Variants in BTNL2 observed in about 807,000 individuals in gnomAD.
BTNL2 encodes the protein butyrophilin like 2.
In BTNL2, 46 loss-of-function variants were observed where a neutral mutation model predicts 46.8. The observed-to-expected ratio is 0.98, with a 90% CI of 0.78 to 1.26. The LOEUF (loss-of-function observed/expected upper bound fraction) is 1.26, where lower values mean the gene tolerates loss of function less well. Ranked by LOEUF, BTNL2 falls within the 50% of genes most tolerant of loss-of-function variation. The pLI is 0.00. For missense variants in BTNL2, 461 were observed against 592.6 expected, an observed-to-expected ratio of 0.78 and a Z score of 2.31; for synonymous variants, 226 against 229.1, an observed-to-expected ratio of 0.99 and a Z score of 0.12.
At chr6:32,401,763 T>C in intron 4 of BTNL2, 22 bp downstream of exon 4, 6 of 1,609,498 alleles carry the variant, frequency 3.7e-6, no homozygotes, top group Non-Finnish European at 5.1e-6. Flanking sequence ...TCCACAGGTG[T>C]GTGCCAGCAC....
intron 1 of BTNL2, chr6:32,406,817 G>A (rs962218097): frequency 2.5e-6 from 1 of 395,054 alleles, no homozygotes; most frequent in African/African-American, 2.0e-5. Context: ...TCATTAAAAA[G>A]ATGAAAGAAC....
chr6:32,405,326 T>A (rs779119251), intron 1 of BTNL2, 40 bp from the exon 2 acceptor site: 25 of 1,589,602 alleles, frequency 1.6e-5, no homozygotes, highest in Non-Finnish European at 2.1e-5. Context: ...GAAATGCCAA[T>A]CAGAAAATCA....
rs117391429 is a variant in BTNL2, at chr6:32,399,269, T to A, written c.730+2516A>T. Reference sequence around the variant, plus strand: ...TGCTTTGTTTTGTTTTGGTTATTGTTTGTATGTTCTGAATGCCTTCTGAAT... The same window carrying A: ...TGCTTTGTTTTGTTTTGGTTATTGTATGTATGTTCTGAATGCCTTCTGAAT... On this transcript the variant is annotated intron_variant, in intron 4 of 7. Coordinates refer to ENST00000454136, the MANE Select transcript of BTNL2 (RefSeq NM_001304561.2). This position sits in a 1 kb window ranked among gnomAD's most constrained non-coding sequence, Gnocchi z 5.2. Among the ~76,000 whole-genome samples, 2,670 of 152,350 alleles carry A rather than the reference T, an allele frequency of 0.018. 79 individuals carry two copies. The highest frequency in any genetic ancestry group is 0.11 in the East Asian group (571 of 5,190).
Position 32,393,674 on chromosome 6 carries a change from C to G in BTNL2, c.*7-285G>C, listed in dbSNP as rs1220989624. On this transcript the variant is annotated intron_variant, in intron 7 of 7. Coordinates refer to ENST00000454136, the MANE Select transcript of BTNL2 (RefSeq NM_001304561.2). This position sits in a 1 kb window ranked among gnomAD's most constrained non-coding sequence, Gnocchi z 4.8. ...AAAACAAGGATGGCTGTACTACTCA[C>G]TTTTTTCTTCTTCTTCCCTAACCAG... is the stretch of plus-strand genomic sequence containing the variant. 5 of 242,368 alleles carry G rather than the reference C, an allele frequency of 2.1e-5. No individual in the cohort carries two copies. The highest frequency in any genetic ancestry group is 3.1e-5 in the Non-Finnish European group (4 of 130,194). The allele number at this position is 242,368 out of a possible 1,614,324, so 15.0% of individuals were successfully genotyped here. A position where few individuals can be genotyped will look rare whatever the true frequency, so the allele number is the denominator to read the frequency against.
At chr6:32,395,122 G>A in intron 5 of BTNL2, 97 bp from the exon 6 acceptor site, 1 of 1,315,308 alleles carries the variant, frequency 7.6e-7, no homozygotes, top group Non-Finnish European at 1.0e-6. Context: ...GGAGGGCTTG[G>A]GGAAGGGAGA....
chr6:32,402,630 A>G (rs542106094), intron 3 of BTNL2, among the ~76,000 whole-genome samples: 1 of 152,236 alleles, frequency 6.6e-6, no homozygotes, highest in South Asian at 2.1e-4. Flanking sequence ...ACAAGACAGC[A>G]TAGGAAAACA....
rs1040351120 is a variant in BTNL2, at chr6:32,399,678, A to G, written c.730+2107T>C. On this transcript the variant is annotated intron_variant, in intron 4 of 7. Coordinates refer to ENST00000454136, the MANE Select transcript of BTNL2 (RefSeq NM_001304561.2). The surrounding 1 kb of genome is among the most constrained non-coding windows in gnomAD (Gnocchi z 5.2). ...AAGATTGTTTCTTAGCTGTAATATG[A>G]GGATAAAGCAATTAAACTTTATAAT... 1.3e-5 allele frequency among the ~76,000 whole-genome samples: 2 copies of G among 152,256 alleles called. No individual in the cohort carries two copies. The highest frequency in any genetic ancestry group is 2.9e-5 in the Non-Finnish European group (2 of 68,040).
rs918421092 is a variant in BTNL2 at position 32,394,299 on chromosome 6, TCACA to T, written c.1361-246_1361-243del. ...TTTTCCCTTCTCTCTTCCAACTATA[TCACA>T]CAATCACTGGAATGACTTGAGGAGG... On this transcript the variant is annotated intron_variant, in intron 6 of 7. Transcript: ENST00000454136. The surrounding 1 kb of genome is among the most constrained non-coding windows in gnomAD (Gnocchi z 4.6). 6.6e-6 allele frequency among the ~76,000 whole-genome samples: 1 copy of T among 152,166 alleles called. No homozygotes were observed. The highest frequency in any genetic ancestry group is 1.5e-5 in the Non-Finnish European group (1 of 68,030).
Position 32,401,828 on chromosome 6 carries a change from A to G in BTNL2, c.710-23T>C, listed in dbSNP as rs113258800. 7.1e-3 allele frequency: 11,453 copies of G among 1,605,166 alleles called. 144 individuals are homozygous for G. Among genetic ancestry groups the G allele is most frequent in the East Asian group, 0.037 (1,645 of 44,698 alleles). Reference sequence around the variant, plus strand: ...TCTCTGGAAAAAGAACAAGAATAACATATTAAGGAATTTGGTGTAAGGGAA... The same window carrying G: ...TCTCTGGAAAAAGAACAAGAATAACGTATTAAGGAATTTGGTGTAAGGGAA... On this transcript the variant is annotated intron_variant, in intron 3 of 7. Coordinates refer to ENST00000454136, the MANE Select transcript of BTNL2 (RefSeq NM_001304561.2).
At position 32,404,075 on chromosome 6, in the gene BTNL2, A is replaced by T. The variant is rs112711428; in HGVS notation, c.428-859T>A. On this transcript the variant is annotated intron_variant, in intron 2 of 7. Transcript: ENST00000454136. ...ATATGTATTCCTCCATCCATTTTGAATCACCTTGAACACAGTAACAGTAAT... is the reference window on the plus strand; with the variant it reads ...ATATGTATTCCTCCATCCATTTTGATTCACCTTGAACACAGTAACAGTAAT... Among the ~76,000 whole-genome samples, 892 of 152,260 alleles carry T rather than the reference A, an allele frequency of 5.9e-3. 5 individuals are homozygous for T. Among genetic ancestry groups the T allele is most frequent in the Middle Eastern group, 0.02 (6 of 294 alleles).
chr6:32,401,331 G>A (rs1157423117), intron 4 of BTNL2, among the ~76,000 whole-genome samples: 1 of 151,704 alleles, frequency 6.6e-6, no homozygotes, highest in Non-Finnish European at 1.5e-5. Context: ...ACTGGGGTGA[G>A]GAGCAGGTGC....
intron 4 of BTNL2, among the ~76,000 whole-genome samples, chr6:32,401,300 T>C (rs116607050): frequency 0.043 from 5,764 of 134,788 alleles, 232 homozygotes; most frequent in East Asian, 0.19. Context: ...TCCCTCCCAA[T>C]AGTGATTAGC....
Position 32,396,468 on chromosome 6 carries a change from G to C in BTNL2, c.731-82C>G, listed in dbSNP as rs115291997. The C allele has an allele frequency of 7.4e-7, 1 of 1,356,694 alleles. No individual in the cohort carries two copies. Among genetic ancestry groups the C allele is most frequent in the African/African-American group, 1.4e-5 (1 of 69,624 alleles). 84.0% of individuals were successfully genotyped at this position (1,356,694 alleles called of 1,614,324 possible). A position where few individuals can be genotyped will look rare whatever the true frequency, so the allele number is the denominator to read the frequency against. On this transcript the variant is annotated intron_variant, in intron 4 of 7. Transcript: ENST00000454136. This position sits in a 1 kb window ranked among gnomAD's most constrained non-coding sequence, Gnocchi z 4.4. ...CATCTCTAAGAACAGCTCCATTGGA[G>C]TTTAGAAACCATGAGCATCCCAGGG...
intron 5 of BTNL2, 59 bp from the exon 6 acceptor site, chr6:32,395,084 ATTTCACT>A: frequency 6.7e-7 from 1 of 1,491,930 alleles, no homozygotes; most frequent in South Asian, 1.4e-5. Context: ...GTGGGCAGCA[ATTTCACT>A]GGGAGGAAAG....
In BTNL2 at chr6:32,394,233, C is replaced by T. The variant is rs115880030; in HGVS notation, c.1361-176G>A. 0.14 allele frequency among the ~76,000 whole-genome samples: 20,287 copies of T among 148,566 alleles called. 1,811 individuals carry two copies. Among genetic ancestry groups the T allele is most frequent in the South Asian group, 0.17 (799 of 4,702 alleles). ...TGCAGAGGAGAGAATGCAAGTATTT[C>T]ATGTTTGCTCGTCTCAGAAATGTAC... On this transcript the variant is annotated intron_variant, in intron 6 of 7. Transcript: ENST00000454136. The surrounding 1 kb of genome is among the most constrained non-coding windows in gnomAD (Gnocchi z 4.6).
In BTNL2 at chr6:32,394,763, G is replaced by A. The variant is rs188023685; in HGVS notation, c.1341C>T (p.Ile447=). 5 of 1,612,468 alleles carry A rather than the reference G, an allele frequency of 3.1e-6. No homozygotes were observed. Among genetic ancestry groups the A allele is most frequent in the East Asian group, 2.2e-5 (1 of 44,834 alleles). ...ISIPFLGEEK[I]ATFSLSESRM... ...ACCAACCTGAGAGAGAAAAAGTTGC[G>A]ATTTTCTCCTCGCCCAAAAAGGGGA... Residue 447 remains isoleucine (I), a synonymous_variant, in exon 6 of 8, where the codon ATC becomes ATT. Coordinates refer to ENST00000454136, the MANE Select transcript of BTNL2 (RefSeq NM_001304561.2). The surrounding 1 kb of genome is among the most constrained non-coding windows in gnomAD (Gnocchi z 4.6).
In BTNL2 at chr6:32,405,119, C is replaced by A. The variant is rs1261304867; in HGVS notation, c.247G>T (p.Val83Leu). 6.2e-7 allele frequency: 1 copy of A among 1,613,068 alleles called. No homozygotes were observed. The highest frequency in any genetic ancestry group is 2.2e-5 in the East Asian group (1 of 44,882). The change falls in exon 2 of 8, where the codon GTG becomes TTG. Residue 83 changes from valine to leucine, a missense_variant. Coordinates refer to ENST00000454136, the MANE Select transcript of BTNL2 (RefSeq NM_001304561.2). ...TACTCCTCCATCTGCATCTCAGTCACCTCCACTCCATCCCTGTGCACAAAC... is the reference window on the plus strand; with the variant it reads ...TACTCCTCCATCTGCATCTCAGTCAACTCCACTCCATCCCTGTGCACAAAC... Reference protein sequence around the residue: ...PVFVHRDGVEVTEMQMEEYRG... With the variant: ...PVFVHRDGVELTEMQMEEYRG...
At position 32,405,174 on chromosome 6, in the gene BTNL2, C is replaced by T; in HGVS notation, c.192G>A (p.Arg64=). 6.2e-7 allele frequency: 1 copy of T among 1,613,022 alleles called. No individual in the cohort carries two copies. The highest frequency in any genetic ancestry group is 8.5e-7 in the Non-Finnish European group (1 of 1,180,008). Reference sequence around the variant, plus strand: ...GTGTGCTGGGCTCTGAGCGGTACCACCTCACCTCCACGTGCATTGTGGTCC... The same window carrying T: ...GTGTGCTGGGCTCTGAGCGGTACCATCTCACCTCCACGTGCATTGTGGTCC... ...PKRTTMHVEV[R]WYRSEPSTPV... Residue 64 remains arginine, a synonymous_variant, in exon 2 of 8, where the codon AGG becomes AGA. Coordinates refer to ENST00000454136, the MANE Select transcript of BTNL2 (RefSeq NM_001304561.2).
At chr6:32,404,101 G>A (rs2150321702) in intron 2 of BTNL2, among the ~76,000 whole-genome samples, 1 of 151,580 alleles carries the variant, frequency 6.6e-6, no homozygotes, top group Middle Eastern at 3.4e-3. Context: ...TAACAGTAAT[G>A]GATGTTAAGA....
Sources: gnomAD v4.1 joint callset for allele counts (sites outside exome capture counted in the v4.1 genomes callset) on GRCh38, gnomAD v4.1.1 for gene constraint, Gnocchi (gnomAD v3.1) non-coding constraint, MANE v1.5 for transcripts, NCBI Gene and HGNC (gene_info 2026-07-23, HGNC 2026-07-21) for gene names.